ALK: variants seen among roughly 807,000 people sequenced by gnomAD.
The protein encoded by ALK is ALK tyrosine kinase receptor.
A neutral mutation model predicts 163.1 loss-of-function variants in ALK; 74 were observed. The observed-to-expected ratio is 0.45, with a 90% CI of 0.38 to 0.55. ALK has a LOEUF of 0.55. ALK is among the 20% of genes least tolerant of loss of function. ALK has a pLI of 0.00. For synonymous variants in ALK, 960 were observed against 843.2 expected, an observed-to-expected ratio of 1.14 and a Z score of -2.40; for missense variants, 2,063 against 2,105.3, an observed-to-expected ratio of 0.98 and a Z score of 0.39.
chr2:29,668,903 A>G (rs1033231311), intron 3 of ALK, among the ~76,000 whole-genome samples: 10 of 152,026 alleles, frequency 6.6e-5, no homozygotes, highest in Non-Finnish European at 1.0e-4. Flanking sequence ...TGTACAGGGG[A>G]ACTCCCCTTT....
chr2:29,583,378 C>G (rs1249018293), intron 3 of ALK, among the ~76,000 whole-genome samples: 1 of 152,060 alleles, frequency 6.6e-6, no homozygotes, highest in Non-Finnish European at 1.5e-5. Flanking sequence ...ATGATTTGCC[C>G]AAGACCACAC....
intron 1 of ALK, among the ~76,000 whole-genome samples, chr2:29,885,562 C>CA (rs34179501): frequency 0.3 from 39,721 of 132,944 alleles, 5,630 homozygotes; most frequent in East Asian, 0.49. Context: ...ATGGATATGG[C>CA]AAAAAAAAAA....
intron 3 of ALK, among the ~76,000 whole-genome samples, chr2:29,693,923 T>C (rs752830148): frequency 1.3e-5 from 2 of 152,216 alleles, no homozygotes; most frequent in African/African-American, 2.4e-5. Context: ...GCCTCTCTCA[T>C]TGAAATCCAA....
intron 5 of ALK, among the ~76,000 whole-genome samples, chr2:29,340,197 C>T (rs998813784): frequency 3.9e-5 from 6 of 152,202 alleles, no homozygotes; most frequent in African/African-American, 1.4e-4. Context: ...TAAAATATGT[C>T]ATTTTCTCCT....
chr2:29,895,654 T>C (rs920057760), intron 1 of ALK, among the ~76,000 whole-genome samples: 17 of 152,350 alleles, frequency 1.1e-4, no homozygotes, highest in African/African-American at 3.8e-4. Flanking sequence ...TTTTATTCCT[T>C]CTAGATGATA....
intron 1 of ALK, among the ~76,000 whole-genome samples, chr2:29,782,346 T>G (rs1251165401): frequency 6.6e-6 from 1 of 152,126 alleles, no homozygotes; most frequent in East Asian, 1.9e-4. Context: ...TTCATGGGAC[T>G]CCATCCAACT....
chr2:29,602,746 T>C (rs1353804463), intron 3 of ALK, among the ~76,000 whole-genome samples: 2 of 152,216 alleles, frequency 1.3e-5, no homozygotes, highest in African/African-American at 4.8e-5. Flanking sequence ...GGAAGGACTA[T>C]AGCTGGACAA....
At chr2:29,841,728 T>C (rs1362570875) in intron 1 of ALK, among the ~76,000 whole-genome samples, 4 of 152,190 alleles carry the variant, frequency 2.6e-5, no homozygotes, top group Non-Finnish European at 2.9e-5. Flanking sequence ...ACGGGCAGAA[T>C]TGACAATGAA....
intron 5 of ALK, among the ~76,000 whole-genome samples, chr2:29,367,511 T>C (rs146508265): frequency 8.3e-4 from 127 of 152,282 alleles, no homozygotes; most frequent in African/African-American, 2.9e-3. Flanking sequence ...CAGTACAAAA[T>C]TGTATAGTCA....
chr2:29,520,267 T>C (rs1293417281), intron 4 of ALK, among the ~76,000 whole-genome samples: 1 of 152,100 alleles, frequency 6.6e-6, no homozygotes, highest in Non-Finnish European at 1.5e-5. Flanking sequence ...AGGAAGTGAG[T>C]CGTTATGAAG....
chr2:29,512,575 T>C (rs2148141760), intron 4 of ALK, among the ~76,000 whole-genome samples: 1 of 147,374 alleles, frequency 6.8e-6, no homozygotes, highest in African/African-American at 2.5e-5. Context: ...GCATTCCCTT[T>C]GAAAACTGGC....
chr2:29,344,952 T>C (rs1667901916), intron 5 of ALK, among the ~76,000 whole-genome samples: 1 of 152,220 alleles, frequency 6.6e-6, no homozygotes, highest in Non-Finnish European at 1.5e-5. Context: ...GACTTTAGTA[T>C]GAGCTGTGTG....
chr2:29,615,183 C>A (rs1037586427), intron 3 of ALK, among the ~76,000 whole-genome samples: 1 of 151,600 alleles, frequency 6.6e-6, no homozygotes, highest in Non-Finnish European at 1.5e-5. Flanking sequence ...GGATGCTGTT[C>A]CCTCTTCTCC....
chr2:29,195,710 G>A (rs113135235), intron 28 of ALK, among the ~76,000 whole-genome samples: 165 of 152,322 alleles, frequency 1.1e-3, no homozygotes, highest in Middle Eastern at 6.8e-3. Flanking sequence ...GCTCCAGCCC[G>A]GGCAGTAGAG....
intron 5 of ALK, among the ~76,000 whole-genome samples, chr2:29,331,421 C>T (rs1667435973): frequency 6.6e-6 from 1 of 152,132 alleles, no homozygotes; most frequent in Admixed American, 6.5e-5. Context: ...GAATCAATCC[C>T]CCACTGTATG....
intron 1 of ALK, among the ~76,000 whole-genome samples, chr2:29,776,912 T>C (rs1681192401): frequency 2.0e-5 from 3 of 152,224 alleles, no homozygotes; most frequent in Admixed American, 2.0e-4. Flanking sequence ...GATACCACCT[T>C]GCCCAGGTGA....
chr2:29,231,778 C>G (rs73920743), intron 15 of ALK, among the ~76,000 whole-genome samples: 1,811 of 152,314 alleles, frequency 0.012, 34 homozygotes, highest in African/African-American at 0.04. Flanking sequence ...AATTGACACT[C>G]TCTTCCCTGC....
At chr2:29,362,414 G>A (rs183607268) in intron 5 of ALK, among the ~76,000 whole-genome samples, 8 of 152,320 alleles carry the variant, frequency 5.3e-5, no homozygotes, top group Non-Finnish European at 1.0e-4. Flanking sequence ...ACAAGGAGCT[G>A]ACAGTATATT....
intron 26 of ALK, among the ~76,000 whole-genome samples, chr2:29,199,705 A>G (rs1669111193): frequency 6.6e-6 from 1 of 152,096 alleles, no homozygotes; most frequent in Non-Finnish European, 1.5e-5. Flanking sequence ...AAAATATTTG[A>G]TTTCTCATTT....
Sources: allele counts gnomAD v4.1 joint callset (sites outside exome capture counted in the v4.1 genomes callset), GRCh38; gene constraint gnomAD v4.1.1; transcripts MANE v1.5; gene names NCBI Gene and HGNC (gene_info 2026-07-23, HGNC 2026-07-21).